C3orf70: variants seen among roughly 807,000 people sequenced by gnomAD.
The protein encoded by C3orf70 is chromosome 3 open reading frame 70.
C3orf70 carries 15 observed loss-of-function variants against 20.7 expected under a neutral mutation model. That is an observed-to-expected ratio of 0.72 (90% CI 0.48 to 1.11). The LOEUF is 1.11. Among genes scored for constraint, C3orf70 ranks in the 50% most tolerant of loss-of-function variants. The probability of loss-of-function intolerance (pLI) is 0.00; values close to 1 mark genes in which losing one functional copy is unlikely to be tolerated. For missense variants in C3orf70, 332 were observed against 317.6 expected (o/e 1.05, Z -0.34); for synonymous variants, 161 against 125.7 (o/e 1.28, Z -1.88).
chr3:185,105,188 C>T (rs1715904714), intron 1 of C3orf70, among the ~76,000 whole-genome samples: 1 of 152,236 alleles, frequency 6.6e-6, no homozygotes, highest in African/African-American at 2.4e-5. Context: ...GTTAGGACAA[C>T]TGGATATCCA....
At chr3:185,091,949 ATATATATATATATATTTTTT>A (rs1715594587) in intron 1 of C3orf70, among the ~76,000 whole-genome samples, 8 of 8,130 alleles carry the variant, frequency 9.8e-4, no homozygotes, top group East Asian at 2.5e-3. Flanking sequence ...ATATATATAT[ATATATATATATATATTTTTT>A]TTTTTTTTTA....
intron 1 of C3orf70, among the ~76,000 whole-genome samples, chr3:185,139,065 G>C (rs942350679): frequency 6.6e-6 from 1 of 151,954 alleles, no homozygotes; most frequent in Non-Finnish European, 1.5e-5. Context: ...TCACACCACT[G>C]CACTCTAGCC....
chr3:185,121,758 G>T (rs1289507277), intron 1 of C3orf70, among the ~76,000 whole-genome samples: 1 of 151,392 alleles, frequency 6.6e-6, no homozygotes, highest in Non-Finnish European at 1.5e-5. Context: ...CCAATGATAG[G>T]CTATCTACAA....
rs144947822 is a variant in C3orf70, at chr3:185,142,387, G to A, written c.196+10241C>T. On this transcript the variant is annotated intron_variant, in intron 1 of 1. Transcript: ENST00000335012. ...TGGAAGGACTGCTTGACCCTAGGAAGGTTGCACTGCACTCCAGCCTGGGTG... is the reference window on the plus strand; with the variant it reads ...TGGAAGGACTGCTTGACCCTAGGAAAGTTGCACTGCACTCCAGCCTGGGTG... 7.6e-4 allele frequency among the ~76,000 whole-genome samples: 115 copies of A among 152,252 alleles called. 1 individual carries two copies. Among genetic ancestry groups the A allele is most frequent in the Non-Finnish European group, 1.4e-3 (93 of 68,016 alleles).
chr3:185,102,837 A>G (rs941213109), intron 1 of C3orf70, among the ~76,000 whole-genome samples: 3 of 152,260 alleles, frequency 2.0e-5, no homozygotes, highest in African/African-American at 7.2e-5. Context: ...TGATGCTTAG[A>G]TAACTGGCTA....
intron 1 of C3orf70, among the ~76,000 whole-genome samples, chr3:185,102,149 C>T (rs759717523): frequency 1.3e-4 from 20 of 152,144 alleles, no homozygotes; most frequent in South Asian, 6.2e-4. Flanking sequence ...GCAGACAACA[C>T]GATCCTATAT....
chr3:185,100,643 G>T (rs1715802882), intron 1 of C3orf70, among the ~76,000 whole-genome samples: 1 of 151,770 alleles, frequency 6.6e-6, no homozygotes, highest in African/African-American at 2.4e-5. Flanking sequence ...AGAAAACCAA[G>T]AGCAAGCCAA....
At chr3:185,085,908 G>A (rs771299370) in intron 1 of C3orf70, among the ~76,000 whole-genome samples, 8 of 152,124 alleles carry the variant, frequency 5.3e-5, no homozygotes, top group Non-Finnish European at 1.0e-4. Flanking sequence ...AATAAAACGC[G>A]GAATGAAGGT....
intron 1 of C3orf70, among the ~76,000 whole-genome samples, chr3:185,139,329 G>A (rs537617713): frequency 6.6e-6 from 1 of 152,088 alleles, no homozygotes; most frequent in East Asian, 1.9e-4. Flanking sequence ...AAGGTGGGCA[G>A]ATCACCAGAG....
intron 1 of C3orf70, among the ~76,000 whole-genome samples, chr3:185,096,669 GGTCTGCTC>G (rs1715715507): frequency 6.6e-6 from 1 of 152,126 alleles, no homozygotes; most frequent in Non-Finnish European, 1.5e-5. Context: ...GTCTGCGGGA[GGTCTGCTC>G]CAGCCATGCA....
chr3:185,108,607 T>C (rs11914928), intron 1 of C3orf70, among the ~76,000 whole-genome samples: 7,912 of 152,314 alleles, frequency 0.052, 662 homozygotes, highest in African/African-American at 0.18. Context: ...AAGGCAATAT[T>C]TAATGCTAGA....
At chr3:185,112,550 C>A (rs1417290413) in intron 1 of C3orf70, among the ~76,000 whole-genome samples, 2 of 152,212 alleles carry the variant, frequency 1.3e-5, no homozygotes, top group African/African-American at 4.8e-5. Context: ...TATCAGCATT[C>A]CTTGATAGGC....
intron 1 of C3orf70, among the ~76,000 whole-genome samples, chr3:185,137,735 C>T (rs1716657727): frequency 6.6e-6 from 1 of 152,088 alleles, no homozygotes; most frequent in Admixed American, 6.5e-5. Flanking sequence ...ATTTATGATA[C>T]ACAGCTAAAG....
At chr3:185,093,806 G>A (rs556605592) in intron 1 of C3orf70, among the ~76,000 whole-genome samples, 1 of 152,028 alleles carries the variant, frequency 6.6e-6, no homozygotes, top group Non-Finnish European at 1.5e-5. Context: ...ATGCCTGAGG[G>A]ATGGTGAGGT....
At chr3:185,090,987 A>AC (rs1715557567) in intron 1 of C3orf70, among the ~76,000 whole-genome samples, 1 of 152,186 alleles carries the variant, frequency 6.6e-6, no homozygotes, top group Admixed American at 6.5e-5. Flanking sequence ...GAGACAGACC[A>AC]CCAGACGCAT....
chr3:185,087,938 G>A (rs1008645680), intron 1 of C3orf70, among the ~76,000 whole-genome samples: 2 of 143,374 alleles, frequency 1.4e-5, no homozygotes, highest in Non-Finnish European at 3.0e-5. Context: ...TTGAGATGGA[G>A]TCTCTCTCTG....
intron 1 of C3orf70, among the ~76,000 whole-genome samples, chr3:185,116,869 T>TCC (rs1313654844): frequency 0.052 from 7,820 of 151,790 alleles, 653 homozygotes; most frequent in African/African-American, 0.18. Flanking sequence ...AGCTCCGCCT[T>TCC]AGGGGTTCAC....
At chr3:185,152,585 C>T in intron 1 of C3orf70, 43 bp downstream of exon 1, 1 of 1,507,946 alleles carries the variant, frequency 6.6e-7, no homozygotes, top group East Asian at 2.8e-5. Context: ...GGCGGGCGTC[C>T]CCCGGACCGC....
intron 1 of C3orf70, among the ~76,000 whole-genome samples, chr3:185,136,838 A>T (rs1716637229): frequency 6.6e-6 from 1 of 152,086 alleles, no homozygotes; most frequent in Admixed American, 6.6e-5. Flanking sequence ...TGAACCCAGG[A>T]GGTGGAGGTC....
Sources: gnomAD v4.1 joint callset for allele counts (sites outside exome capture counted in the v4.1 genomes callset) on GRCh38, gnomAD v4.1.1 for gene constraint, MANE v1.5 for transcripts, NCBI Gene and HGNC (gene_info 2026-07-23, HGNC 2026-07-21) for gene names.